ESPL1: variants seen among roughly 807,000 people sequenced by gnomAD.
ESPL1 encodes the protein separin.
Under a neutral mutation model 217.2 loss-of-function variants are expected in ESPL1, and 50 were observed. The observed-to-expected ratio is 0.23, with a 90% CI of 0.18 to 0.29. The LOEUF (loss-of-function observed/expected upper bound fraction) is 0.29, where lower values mean the gene tolerates loss of function less well. Ranked by LOEUF, ESPL1 falls within the 10% of genes least tolerant of loss-of-function variation. ESPL1 has a pLI of 1.00. For missense variants in ESPL1, 1,834 were observed against 2,603.0 expected, an observed-to-expected ratio of 0.70 and a Z score of 6.43; for synonymous variants, 994 against 1,081.3, an observed-to-expected ratio of 0.92 and a Z score of 1.58.
Position 53,286,189 on chromosome 12 carries a change from C to T in ESPL1, c.3453C>T (p.Cys1151=), listed in dbSNP as rs773706685. Residue 1151 remains cysteine (C), a synonymous_variant, in exon 18 of 31, where the codon TGC becomes TGT. Transcript: ENST00000257934. The surrounding 1 kb of genome is among the most constrained non-coding windows in gnomAD (Gnocchi z 5.3). The part of the protein sequence containing the change: ...SHSPTCDCSL[C]ASPVLTAVCL... Reference sequence around the variant, plus strand: ...CACCCACCTGTGACTGCTCGCTCTGCGCCAGCCCTGTCCTCACAGCAGTCT... The same window carrying T: ...CACCCACCTGTGACTGCTCGCTCTGTGCCAGCCCTGTCCTCACAGCAGTCT... 16 of 1,614,142 alleles carry T rather than the reference C, an allele frequency of 9.9e-6. No individual in the cohort carries two copies. Among genetic ancestry groups the T allele is most frequent in the South Asian group, 9.9e-5 (9 of 91,094 alleles).
Position 53,292,858 on chromosome 12 carries a change from C to T in ESPL1, c.6049C>T (p.Arg2017Trp), listed in dbSNP as rs1944086418. ...ARFLDGQAVL[R>W]LSCRAVALLF... ...CTTCCTTGATGGGCAGGCTGTCCTG[C>T]GGCTGAGCTGTCGGGCAGTGGCCCT... The change falls in exon 30 of 31, where the codon CGG becomes TGG. Residue 2017 changes from arginine (R) to tryptophan (W), a missense_variant. Physicochemically the swap from Arg to Trp is moderately radical, Grantham distance 101 (BLOSUM62 -3). This residue lies in a region of ESPL1 where 295 missense variants were observed against 519.8 expected (regional missense o/e 0.57). Transcript: ENST00000257934. This position sits in a 1 kb window ranked among gnomAD's most constrained non-coding sequence, Gnocchi z 4.5. The T allele has an allele frequency of 1.9e-6, 3 of 1,612,434 alleles. No individual in the cohort carries two copies. Among genetic ancestry groups the T allele is most frequent in the African/African-American group, 1.3e-5 (1 of 74,936 alleles).
rs752865864 is a variant in ESPL1, at chr12:53,281,489, C to G, written c.2500-18C>G. 8 of 1,611,440 alleles carry G rather than the reference C, an allele frequency of 5.0e-6. 1 individual carries two copies. The highest frequency in any genetic ancestry group is 3.3e-4 in the Middle Eastern group (2 of 6,038). On this transcript the variant is annotated intron_variant, in intron 12 of 30. Transcript: ENST00000257934. ...GCCTGGCTGCCTTTCCTCATGTGCC[C>G]TCTGATTGCTTCCTTAGTTACACCT...
At chr12:53,274,775 C>T in intron 6 of ESPL1, 42 bp from the exon 7 acceptor site, 2 of 1,521,150 alleles carry the variant, frequency 1.3e-6, no homozygotes, top group Non-Finnish European at 1.8e-6. Flanking sequence ...TACACACTCA[C>T]TGGTTCCTCT....
rs1279070796 is a variant in ESPL1 at position 53,268,354 on chromosome 12, G to C, written c.-36G>C. The C allele has an allele frequency of 1.0e-5, 2 of 192,084 alleles. No homozygotes were observed. The highest frequency in any genetic ancestry group is 2.2e-5 in the Non-Finnish European group (2 of 92,010). 11.9% of individuals were successfully genotyped at this position (192,084 alleles called of 1,614,324 possible). ...GTCAGGCGGTTAAGTCCTGTACCTA[G>C]GAAAGAGGGCGAGCTCTGGGGCGGT... On this transcript the variant is annotated 5_prime_UTR_variant, in exon 1 of 31. Coordinates refer to ENST00000257934, the MANE Select transcript of ESPL1 (RefSeq NM_012291.5).
At chr12:53,268,915 G>A (rs752796906) in intron 2 of ESPL1, 68 bp downstream of exon 2, 21 of 1,507,284 alleles carry the variant, frequency 1.4e-5, no homozygotes, top group Middle Eastern at 1.7e-4. Flanking sequence ...TTTGCCTTTT[G>A]AAGAGATGGA....
In ESPL1 at chr12:53,276,764, C is replaced by T. The variant is rs1298055408; in HGVS notation, c.1845C>T (p.Pro615=). The T allele has an allele frequency of 9.9e-6, 16 of 1,613,798 alleles. No individual in the cohort carries two copies. The highest frequency in any genetic ancestry group is 1.7e-5 in the Admixed American group (1 of 60,024). Residue 615 remains proline, a synonymous_variant, in exon 8 of 31, where the codon CCC becomes CCT. Coordinates refer to ENST00000257934, the MANE Select transcript of ESPL1 (RefSeq NM_012291.5). The stretch of plus-strand genomic sequence containing the variant: ...TCTGTGACCTCCTGGAGCTGAGCCC[C>T]GAGGAGACACCAGCCGGGGCCTGGG... ...NIICDLLELS[P]EETPAGAWAR...
At chr12:53,280,035 G>A (rs1943835511) in intron 12 of ESPL1, among the ~76,000 whole-genome samples, 169 bp downstream of exon 12, 1 of 152,180 alleles carries the variant, frequency 6.6e-6, no homozygotes. Flanking sequence ...AAGAAGGGGA[G>A]TCATCTTTGT....
chr12:53,275,633 G>T (rs894559557), intron 7 of ESPL1, among the ~76,000 whole-genome samples: 3 of 152,128 alleles, frequency 2.0e-5, no homozygotes, highest in African/African-American at 4.8e-5. Flanking sequence ...TACTTGGGGG[G>T]TATAGTGGTG....
intron 1 of ESPL1, 119 bp downstream of exon 1, chr12:53,268,496 G>C: frequency 2.2e-6 from 1 of 459,840 alleles, no homozygotes; most frequent in East Asian, 4.2e-5. Context: ...CCTTGGGACT[G>C]CCCCGGGCCG....
At position 53,288,523 on chromosome 12, in the gene ESPL1, C is replaced by T. The variant is rs1350407181; in HGVS notation, c.4547-15C>T. 1.2e-6 allele frequency: 2 copies of T among 1,602,212 alleles called. No homozygotes were observed. The highest frequency in any genetic ancestry group is 2.7e-5 in the African/African-American group (2 of 74,398). ...GGGGAGGGAGCACTGTGAAAAAGGCCTGCTCTCTCCCCAGGTGGGAAGACT... is the reference window on the plus strand; with the variant it reads ...GGGGAGGGAGCACTGTGAAAAAGGCTTGCTCTCTCCCCAGGTGGGAAGACT... On this transcript the variant is annotated splice_polypyrimidine_tract_variant and intron_variant, in intron 19 of 30. Coordinates refer to ENST00000257934, the MANE Select transcript of ESPL1 (RefSeq NM_012291.5).
At chr12:53,288,992 A>T in intron 20 of ESPL1, 98 bp from the exon 21 acceptor site, 1 of 981,838 alleles carries the variant, frequency 1.0e-6, no homozygotes, top group Non-Finnish European at 1.6e-6. Context: ...GCTGTTTGCC[A>T]TGTGGGAGAT....
At chr12:53,287,645 G>A (rs966818068) in intron 18 of ESPL1, 22 of 195,192 alleles carry the variant, frequency 1.1e-4, no homozygotes, top group Middle Eastern at 2.1e-3. Context: ...GATTACAGAC[G>A]TGAGCCACTG....
Position 53,268,810 on chromosome 12 carries a change from G to A in ESPL1, c.44G>A (p.Ser15Asn), listed in dbSNP as rs1444533236. The A allele has an allele frequency of 1.9e-6, 3 of 1,612,786 alleles. No homozygotes were observed. Among genetic ancestry groups the A allele is most frequent in the East Asian group, 4.5e-5 (2 of 44,884 alleles). Residue 15 changes from serine (S) to asparagine (N), a missense_variant, in exon 2 of 31, where the codon AGC becomes AAC. Around this residue, in one of 5 missense-constraint regions of ESPL1, gnomAD observed 746 missense variants for 1,077.0 expected, o/e 0.69. Transcript: ENST00000257934. ...KRVNFGTLLS[S>N]QKEAEELLPA... ...GTCAACTTTGGGACTCTGCTAAGCA[G>A]CCAGAAGGAGGCTGAAGAGTTGCTG...
intron 12 of ESPL1, among the ~76,000 whole-genome samples, chr12:53,280,171 A>C (rs1943837987): frequency 6.6e-6 from 1 of 152,188 alleles, no homozygotes; most frequent in Admixed American, 6.5e-5. Context: ...AAGCTATCAC[A>C]GTGTCTCCTG....
rs1944027361 is a variant in ESPL1 at position 53,290,176 on chromosome 12, C to T, written c.5205C>T (p.Pro1735=). The change falls in exon 23 of 31, where the codon CCC becomes CCT. Residue 1735 remains proline (P), a synonymous_variant. Coordinates refer to ENST00000257934, the MANE Select transcript of ESPL1 (RefSeq NM_012291.5). ...TGACCCGGCTGGAAAAGGACAGTCC[C>T]CCAGTCAGTGTGCAGATTCCCACTG... ...LLLTRLEKDS[P]PVSVQIPTGQ... 1 of 1,614,128 alleles carries T rather than the reference C, an allele frequency of 6.2e-7. No individual in the cohort carries two copies. The highest frequency in any genetic ancestry group is 1.3e-5 in the African/African-American group (1 of 75,024).
chr12:53,283,613 G>C (rs1943900171), intron 16 of ESPL1, 75 bp downstream of exon 16: 2 of 1,392,078 alleles, frequency 1.4e-6, no homozygotes, highest in Non-Finnish European at 2.0e-6. Context: ...ATTCCAAACT[G>C]TTCCACAGAT....
chr12:53,280,270 T>G (rs1034235254), intron 12 of ESPL1, among the ~76,000 whole-genome samples: 2 of 152,232 alleles, frequency 1.3e-5, no homozygotes, highest in Non-Finnish European at 2.9e-5. Context: ...ATCTCTTTCC[T>G]GCTTAACCCT....
At chr12:53,288,468 T>G (rs1426236479) in intron 19 of ESPL1, 70 bp from the exon 20 acceptor site, 1 of 1,527,120 alleles carries the variant, frequency 6.5e-7, no homozygotes, top group Admixed American at 2.1e-5. Context: ...AGGGAGTGGA[T>G]TACAGAAGGA....
intron 10 of ESPL1, 66 bp from the exon 11 acceptor site, chr12:53,277,755 G>A: frequency 3.1e-6 from 5 of 1,593,516 alleles, no homozygotes; most frequent in Non-Finnish European, 4.3e-6. Flanking sequence ...GGATGTTATG[G>A]AGGAAGGGAA....
Sources: gnomAD v4.1 joint callset for allele counts (sites outside exome capture counted in the v4.1 genomes callset) on GRCh38, gnomAD v4.1.1 for gene constraint, gnomAD v4.1.1 regional missense constraint, Gnocchi (gnomAD v3.1) non-coding constraint, MANE v1.5 for transcripts, NCBI Gene and HGNC (gene_info 2026-07-23, HGNC 2026-07-21) for gene names.